MXRA7: variants seen among roughly 807,000 people sequenced by gnomAD.
MXRA7 encodes matrix remodeling associated 7, also known as matrix-remodeling-associated protein 7.
Under a neutral mutation model 17.4 loss-of-function variants are expected in MXRA7, and 18 were observed. That is an observed-to-expected ratio of 1.03 (90% confidence interval 0.71 to 1.53). The LOEUF is 1.53. Among genes scored for constraint, MXRA7 ranks in the 40% most tolerant of loss-of-function variants. The probability of loss-of-function intolerance (pLI) is 0.00; values close to 1 mark genes in which losing one functional copy is unlikely to be tolerated. For missense variants in MXRA7, 141 were observed against 209.3 expected (o/e 0.67, Z 2.01); for synonymous variants, 70 against 101.7 (o/e 0.69, Z 1.87).
intron 2 of MXRA7, among the ~76,000 whole-genome samples, chr17:76,686,072 C>A (rs2076391951): frequency 1.3e-5 from 2 of 152,190 alleles, no homozygotes; most frequent in East Asian, 3.8e-4. Flanking sequence ...AAAAGCCAGG[C>A]CCCTCCCCTC....
At chr17:76,677,530 A>G, downstream of MXRA7, 1 of 1,214,234 alleles carries the variant, frequency 8.2e-7, no homozygotes, top group Admixed American at 1.7e-5. Context: ...GAACAAGGGC[A>G]TGGGGCAAGG....
At position 76,681,280 on chromosome 17, in the gene MXRA7, CG is replaced by C. The variant is rs2076300242; in HGVS notation, c.501-402del. On this transcript the variant is annotated intron_variant, in intron 3 of 3. Transcript: ENST00000449428. This position sits in a 1 kb window ranked among gnomAD's most constrained non-coding sequence, Gnocchi z 4.7. ...TCCCGCTGGCTGAGTTTTGTCCCCTCGGGGGATACTGGCACCCTAGGATGCA... is the reference window on the plus strand; with the variant it reads ...TCCCGCTGGCTGAGTTTTGTCCCCTCGGGGATACTGGCACCCTAGGATGCA... Among the ~76,000 whole-genome samples the C allele has an allele frequency of 6.6e-6, 1 of 152,028 alleles. No individual in the cohort carries two copies. Among genetic ancestry groups the C allele is most frequent in the East Asian group, 1.9e-4 (1 of 5,192 alleles).
intron 3 of MXRA7, among the ~76,000 whole-genome samples, chr17:76,682,311 G>A (rs905795691): frequency 3.9e-5 from 6 of 152,170 alleles, no homozygotes; most frequent in African/African-American, 1.4e-4. Flanking sequence ...GCTGCAACTC[G>A]ACTGGACCCT....
At chr17:76,673,171 G>A (rs964711361) in exon 4 of MXRA7, 1 of 152,258 alleles carries the variant, frequency 6.6e-6, no homozygotes. Flanking sequence ...GTTTGGAGGT[G>A]GGCTGCCCCC....
exon 4 of MXRA7, chr17:76,674,157 T>C (rs1052045163): frequency 6.6e-6 from 1 of 152,148 alleles, no homozygotes; most frequent in African/African-American, 2.4e-5. Context: ...TCCATTGGGA[T>C]TGGCTTCTGT....
rs540239725 is a variant in MXRA7, at chr17:76,708,254, C to T, written c.342+2351G>A. On this transcript the variant is annotated intron_variant, in intron 1 of 3. Coordinates refer to ENST00000449428, the MANE Select transcript of MXRA7 (RefSeq NM_198530.4). The stretch of plus-strand genomic sequence containing the variant: ...CAGCTGCCCCAGCCCGCCCAGGCCT[C>T]CCTGGGAAGGGAGAGGACTGGATTA... 3.0e-3 allele frequency among the ~76,000 whole-genome samples: 464 copies of T among 152,330 alleles called. 4 individuals are homozygous for T. Among genetic ancestry groups the T allele is most frequent in the African/African-American group, 0.01 (429 of 41,572 alleles).
rs1567991016 is a variant in MXRA7 at position 76,706,353 on chromosome 17, T to TGCCGTCACAAAGGACCACG, written c.342+4251_342+4252insCGTGGTCCTTTGTGACGGC. ...CCACGCTGCCATCACAGAGGCCCAC[T>TGCCGTCACAAAGGACCACG]CTGCCATCACAGAGGCCCACGCTGC... On this transcript the variant is annotated intron_variant, in intron 1 of 3. Transcript: ENST00000449428. Among the ~76,000 whole-genome samples, 81 of 19,744 alleles carry TGCCGTCACAAAGGACCACG rather than the reference T, an allele frequency of 4.1e-3. 6 individuals carry two copies. The highest frequency in any genetic ancestry group is 0.062 in the Middle Eastern group (1 of 16). 13.0% of individuals were successfully genotyped at this position (19,744 alleles called of 152,430 possible).
chr17:76,705,696 T>C (rs2076647743), intron 1 of MXRA7, among the ~76,000 whole-genome samples: 1 of 152,150 alleles, frequency 6.6e-6, no homozygotes, highest in Non-Finnish European at 1.5e-5. Context: ...CTCTCTGGCA[T>C]GTGAAAGTAC....
intron 2 of MXRA7, among the ~76,000 whole-genome samples, chr17:76,685,803 G>C: frequency 6.6e-6 from 1 of 152,220 alleles, no homozygotes; most frequent in Non-Finnish European, 1.5e-5. Flanking sequence ...AGGAAGCCAG[G>C]ACCTGTGGCC....
At chr17:76,692,303 G>A (rs2076486088) in intron 1 of MXRA7, among the ~76,000 whole-genome samples, 1 of 151,362 alleles carries the variant, frequency 6.6e-6, no homozygotes, top group Non-Finnish European at 1.5e-5. Flanking sequence ...GCCCAGGTTG[G>A]AGTGCAATGG....
chr17:76,708,642 T>C (rs2076687974), intron 1 of MXRA7, among the ~76,000 whole-genome samples: 1 of 152,230 alleles, frequency 6.6e-6, no homozygotes. Context: ...AGACAATTTC[T>C]AAGCAGCTTC....
chr17:76,697,768 C>A (rs1288996157), intron 1 of MXRA7, among the ~76,000 whole-genome samples: 1 of 152,214 alleles, frequency 6.6e-6, no homozygotes, highest in Non-Finnish European at 1.5e-5. Flanking sequence ...CCCGGCCAGG[C>A]TGCAGTAGCT....
At chr17:76,678,220 C>G (rs2076257088), downstream of MXRA7, among the ~76,000 whole-genome samples, 1 of 152,100 alleles carries the variant, frequency 6.6e-6, no homozygotes, top group African/African-American at 2.4e-5. Flanking sequence ...GGGAGGGAAG[C>G]CTGTGGGGTT....
chr17:76,707,560 T>C (rs1169586335), intron 1 of MXRA7, among the ~76,000 whole-genome samples: 1 of 152,150 alleles, frequency 6.6e-6, no homozygotes, highest in African/African-American at 2.4e-5. Flanking sequence ...TGCCTCGGCC[T>C]CCCAAAGTGC....
At chr17:76,694,046 C>T (rs1348786432) in intron 1 of MXRA7, among the ~76,000 whole-genome samples, 1 of 152,170 alleles carries the variant, frequency 6.6e-6, no homozygotes, top group Non-Finnish European at 1.5e-5. Context: ...ATCCCGTGGC[C>T]CCAGTTGGGG....
Position 76,685,066 on chromosome 17 carries a change from G to A in MXRA7, c.500+6C>T, listed in dbSNP as rs1250916286. 1 of 1,613,092 alleles carries A rather than the reference G, an allele frequency of 6.2e-7. No homozygotes were observed. Among genetic ancestry groups the A allele is most frequent in the African/African-American group, 1.3e-5 (1 of 74,882 alleles). ...GCCAGGCGCCAGCGAAGGGGCTGCAGCCTACCTCTGCTCCTCCTCCAGCTC... is the reference window on the plus strand; with the variant it reads ...GCCAGGCGCCAGCGAAGGGGCTGCAACCTACCTCTGCTCCTCCTCCAGCTC... On this transcript the variant is annotated splice_donor_region_variant and intron_variant, in intron 3 of 3. Transcript: ENST00000449428.
At chr17:76,707,917 T>G (rs2076679993) in intron 1 of MXRA7, among the ~76,000 whole-genome samples, 1 of 152,202 alleles carries the variant, frequency 6.6e-6, no homozygotes, top group African/African-American at 2.4e-5. Flanking sequence ...CTATAATGCT[T>G]CCTCACAGCC....
intron 1 of MXRA7, chr17:76,688,666 C>T: frequency 8.1e-7 from 1 of 1,238,626 alleles, no homozygotes; most frequent in Non-Finnish European, 1.0e-6. Context: ...AACTGGAGCC[C>T]CACCTCTTCA....
intron 1 of MXRA7, among the ~76,000 whole-genome samples, chr17:76,703,012 T>C (rs1459123874): frequency 6.6e-6 from 1 of 151,338 alleles, no homozygotes; most frequent in Non-Finnish European, 1.5e-5. Context: ...TTTCTTCTCT[T>C]GAAGTGGGAG....
Sources: gnomAD v4.1 joint callset for allele counts (sites outside exome capture counted in the v4.1 genomes callset) on GRCh38, gnomAD v4.1.1 for gene constraint, Gnocchi (gnomAD v3.1) non-coding constraint, MANE v1.5 for transcripts, NCBI Gene and HGNC (gene_info 2026-07-23, HGNC 2026-07-21) for gene names.